CFAP46: variants seen among roughly 807,000 people sequenced by gnomAD.
The protein encoded by CFAP46 is cilia and flagella associated protein 46, also known as cilia- and flagella-associated protein 46.
In CFAP46, 245 loss-of-function variants were observed where a neutral mutation model predicts 325.7. The observed-to-expected ratio is 0.75, with a 90% CI of 0.68 to 0.84. The LOEUF is 0.84. Among genes scored for constraint, CFAP46 ranks in the 40% least tolerant of loss-of-function variants. The pLI, the probability that CFAP46 is intolerant of heterozygous loss-of-function variation, is 0.00. For missense variants in CFAP46, 3,346 were observed against 3,543.0 expected, an observed-to-expected ratio of 0.94 and a Z score of 1.41; for synonymous variants, 1,523 against 1,495.9, an observed-to-expected ratio of 1.02 and a Z score of -0.42.
chr10:132,822,178 GTGC>G (rs1377318825), intron 50 of CFAP46, among the ~76,000 whole-genome samples: 3 of 143,962 alleles, frequency 2.1e-5, no homozygotes, highest in African/African-American at 8.0e-5. Flanking sequence ...GTGCTGATGT[GTGC>G]TGATGTGTGC....
At chr10:132,934,690 T>G (rs1849964462) in intron 8 of CFAP46, 62 bp downstream of exon 8, 1 of 1,133,852 alleles carries the variant, frequency 8.8e-7, no homozygotes, top group Non-Finnish European at 1.3e-6. Flanking sequence ...CATTTTTCAG[T>G]GCCTGCTAAA....
rs532604601 is a variant in CFAP46, at chr10:132,877,947, C to G, written c.4146G>C (p.Glu1382Asp). 10 of 1,549,042 alleles carry G rather than the reference C, an allele frequency of 6.5e-6. No homozygotes were observed. Among genetic ancestry groups the G allele is most frequent in the Non-Finnish European group, 8.7e-6 (10 of 1,146,674 alleles). ...EKEKERSKEK[E>D]NERSKEKDKE... Reference sequence around the variant, plus strand: ...TGTCCTTCTCTTTACTCCTCTCATTCTCCTTCTCTTTACTCCTCTCCTTCT... The same window carrying G: ...TGTCCTTCTCTTTACTCCTCTCATTGTCCTTCTCTTTACTCCTCTCCTTCT... Residue 1382 changes from glutamate (E) to aspartate (D), a missense_variant, in exon 30 of 58, where the codon GAG becomes GAC. By Grantham distance (45) the Glu-to-Asp change is conservative. Transcript: ENST00000368586. The surrounding 1 kb of genome is among the most constrained non-coding windows in gnomAD (Gnocchi z 5.7).
Position 132,925,002 on chromosome 10 carries a change from T to C in CFAP46, c.1066-116A>G. 5 of 813,802 alleles carry C rather than the reference T, an allele frequency of 6.1e-6. No homozygotes were observed. The South Asian group carries it at 1.3e-4, about 22-fold the overall frequency. The allele number at this position is 813,802 out of a possible 1,614,324, so 50.4% of individuals were successfully genotyped here. ...CAGGCCCTAAATTCATCACCCTGCG[T>C]GGCGTCATGCTCAAATCTGTCCGTG... is the stretch of plus-strand genomic sequence containing the variant. On this transcript the variant is annotated intron_variant, in intron 10 of 57. Transcript: ENST00000368586.
chr10:132,894,994 G>A (rs1336980621), intron 24 of CFAP46, among the ~76,000 whole-genome samples: 1 of 152,154 alleles, frequency 6.6e-6, no homozygotes, highest in East Asian at 1.9e-4. Context: ...TCCAGATAAA[G>A]ACATCACAAG....
intron 19 of CFAP46, among the ~76,000 whole-genome samples, chr10:132,912,265 CCT>C (rs375354351): frequency 5.5e-5 from 6 of 109,728 alleles, no homozygotes; most frequent in East Asian, 4.7e-4. Context: ...TCTTCCCTCT[CCT>C]CTCTCTTCTC....
intron 32 of CFAP46, among the ~76,000 whole-genome samples, chr10:132,870,562 G>A (rs573150928): frequency 5.9e-5 from 9 of 152,222 alleles, no homozygotes; most frequent in Non-Finnish European, 1.3e-4. Context: ...CCTCAGTGCC[G>A]GTATGAAAAA....
In CFAP46 at chr10:132,886,877, T is replaced by TCCC. The variant is rs1849139748; in HGVS notation, c.3305-921_3305-919dup. ...CCATGGCGACTAGAATGCTGACGCG[T>TCCC]CCCCTCCCCGTCATGGGCGCTGCCC... On this transcript the variant is annotated intron_variant, in intron 25 of 57. Coordinates refer to ENST00000368586, the MANE Select transcript of CFAP46 (RefSeq NM_001200049.3). The surrounding 1 kb of genome is among the most constrained non-coding windows in gnomAD (Gnocchi z 5.8). Among the ~76,000 whole-genome samples the TCCC allele has an allele frequency of 6.6e-6, 1 of 151,524 alleles. No homozygotes were observed. The highest frequency in any genetic ancestry group is 1.5e-5 in the Non-Finnish European group (1 of 67,892).
chr10:132,900,711 G>A (rs1191132315), intron 22 of CFAP46, among the ~76,000 whole-genome samples: 2 of 152,268 alleles, frequency 1.3e-5, no homozygotes, highest in Non-Finnish European at 2.9e-5. Flanking sequence ...GGAGAGTTCA[G>A]TTTCCTGGGT....
intron 25 of CFAP46, among the ~76,000 whole-genome samples, chr10:132,888,258 C>T (rs1479580317): frequency 6.6e-6 from 1 of 151,856 alleles, no homozygotes; most frequent in Admixed American, 6.6e-5. Flanking sequence ...GTCTCCACAC[C>T]CTGCCACCCC....
At chr10:132,821,349 A>ATGTGTGCTG (rs1158839167) in intron 50 of CFAP46, among the ~76,000 whole-genome samples, 4 of 79,996 alleles carry the variant, frequency 5.0e-5, no homozygotes, top group Non-Finnish European at 8.9e-5. Context: ...CTGTGTGCTG[A>ATGTGTGCTG]TGTGTGCTGT....
chr10:132,822,798 T>TGCA (rs1847901627), intron 50 of CFAP46, among the ~76,000 whole-genome samples: 2 of 136,076 alleles, frequency 1.5e-5, no homozygotes, highest in Non-Finnish European at 1.6e-5. Context: ...GTGCTGTGTG[T>TGCA]GTGCTGATGT....
Position 132,827,433 on chromosome 10 carries a change from C to T in CFAP46, c.7117+5925G>A, listed in dbSNP as rs766888379. Among the ~76,000 whole-genome samples the T allele has an allele frequency of 4.6e-5, 7 of 152,076 alleles. No homozygotes were observed. The highest frequency in any genetic ancestry group is 1.0e-4 in the Non-Finnish European group (7 of 68,024). Reference sequence around the variant, plus strand: ...GACCTCCTCCTTCAAGGATCCACTTCGCACATGTGCCCTTCTGCAAACTTC... The same window carrying T: ...GACCTCCTCCTTCAAGGATCCACTTTGCACATGTGCCCTTCTGCAAACTTC... On this transcript the variant is annotated intron_variant, in intron 50 of 57. Coordinates refer to ENST00000368586, the MANE Select transcript of CFAP46 (RefSeq NM_001200049.3). The surrounding 1 kb of genome is among the most constrained non-coding windows in gnomAD (Gnocchi z 5.7).
chr10:132,911,463 C>T (rs1357564856), intron 19 of CFAP46, among the ~76,000 whole-genome samples: 2 of 152,186 alleles, frequency 1.3e-5, no homozygotes, highest in African/African-American at 4.8e-5. Flanking sequence ...TCCCCCGCCC[C>T]GTGCCCCTGC....
intron 50 of CFAP46, among the ~76,000 whole-genome samples, chr10:132,823,879 T>G (rs937310912): frequency 1.4e-5 from 2 of 147,568 alleles, no homozygotes; most frequent in African/African-American, 5.1e-5. Context: ...TGCGCTGATG[T>G]GCGCTGTCTG....
At chr10:132,846,381 C>T (rs1047706985) in intron 43 of CFAP46, among the ~76,000 whole-genome samples, 154 bp from the exon 44 acceptor site, 1 of 152,226 alleles carries the variant, frequency 6.6e-6, no homozygotes, top group Non-Finnish European at 1.5e-5. Context: ...CTCCTGGCAC[C>T]TGCAGAGTCG....
intron 19 of CFAP46, 44 bp downstream of exon 19, chr10:132,912,610 TC>T (rs1564798480): frequency 3.8e-5 from 14 of 371,264 alleles, no homozygotes; most frequent in Non-Finnish European, 5.0e-5. Flanking sequence ...CTCTCCTCTC[TC>T]TCTCTCTCTC....
chr10:132,828,413 C>G lies in CFAP46; in HGVS notation c.7117+4945G>C, dbSNP rs1173540840. Among the ~76,000 whole-genome samples the G allele has an allele frequency of 6.6e-6, 1 of 152,160 alleles. No homozygotes were observed. Among genetic ancestry groups the G allele is most frequent in the Non-Finnish European group, 1.5e-5 (1 of 68,044 alleles). ...ATTCTAACAGGTGTGCAGGGGTATTCCATTGTGGTTTCCATTTGCATTTCC... is the reference window on the plus strand; with the variant it reads ...ATTCTAACAGGTGTGCAGGGGTATTGCATTGTGGTTTCCATTTGCATTTCC... On this transcript the variant is annotated intron_variant, in intron 50 of 57. Coordinates refer to ENST00000368586, the MANE Select transcript of CFAP46 (RefSeq NM_001200049.3). This position sits in a 1 kb window ranked among gnomAD's most constrained non-coding sequence, Gnocchi z 4.9.
At chr10:132,812,598 A>G (rs2134755225) in intron 55 of CFAP46, among the ~76,000 whole-genome samples, 187 bp downstream of exon 55, 1 of 123,520 alleles carries the variant, frequency 8.1e-6, no homozygotes, top group East Asian at 2.5e-4. Flanking sequence ...CAGGGGGTGC[A>G]GGGGTGGGTA....
intron 24 of CFAP46, among the ~76,000 whole-genome samples, chr10:132,893,281 G>T (rs752369577): frequency 1.1e-4 from 16 of 152,256 alleles, no homozygotes; most frequent in Non-Finnish European, 2.2e-4. Flanking sequence ...CATCTGGGGA[G>T]AAATCATGCA....
Sources: allele counts gnomAD v4.1 joint callset (sites outside exome capture counted in the v4.1 genomes callset), GRCh38; gene constraint gnomAD v4.1.1; non-coding constraint Gnocchi (gnomAD v3.1); transcripts MANE v1.5; gene names NCBI Gene and HGNC (gene_info 2026-07-23, HGNC 2026-07-21).